ITGAV: variants seen among roughly 807,000 people sequenced by gnomAD.
The protein encoded by ITGAV is integrin subunit alpha V, also known as integrin alpha-V.
In ITGAV, 76 loss-of-function variants were observed where a neutral mutation model predicts 143.8. The observed-to-expected ratio is 0.53, with a 90% CI of 0.44 to 0.64. The LOEUF is 0.64. ITGAV is among the 30% of genes least tolerant of loss of function. The pLI is 0.00. For synonymous variants in ITGAV, 453 were observed against 446.7 expected (o/e 1.01, Z -0.18); for missense variants, 1,193 against 1,274.7 (o/e 0.94, Z 0.98).
chr2:186,676,218 G>T, intron 28 of ITGAV: 1 of 248,456 alleles, frequency 4.0e-6, no homozygotes, highest in Non-Finnish European at 7.6e-6. Context: ...TTAGAAAGTT[G>T]GAAATTAACT....
At position 186,645,608 on chromosome 2, in the gene ITGAV, T is replaced by C. The variant is rs114788680; in HGVS notation, c.1160-1078T>C. 1.7e-3 allele frequency among the ~76,000 whole-genome samples: 254 copies of C among 152,156 alleles called. 1 individual carries two copies. Among genetic ancestry groups the C allele is most frequent in the African/African-American group, 5.9e-3 (243 of 41,516 alleles). On this transcript the variant is annotated intron_variant, in intron 12 of 29. Transcript: ENST00000261023. ...TAAGATGGGGATGGGTGTGACATGA[T>C]ATGGTGAATGTTTGGCCCTTTTGAA...
At chr2:186,600,426 A>G (rs1264375363) in intron 1 of ITGAV, 2 of 1,538,606 alleles carry the variant, frequency 1.3e-6, no homozygotes, top group Admixed American at 2.0e-5. Flanking sequence ...TATCTAAAAG[A>G]GAACTTTCTT....
intron 1 of ITGAV, 34 bp from the exon 2 acceptor site, chr2:186,601,987 A>G: frequency 1.3e-6 from 2 of 1,595,890 alleles, no homozygotes. Flanking sequence ...ACTTTGTTTC[A>G]TTTAAACTTT....
chr2:186,617,332 G>T (rs1687392005), intron 2 of ITGAV, among the ~76,000 whole-genome samples: 1 of 152,214 alleles, frequency 6.6e-6, no homozygotes, highest in African/African-American at 2.4e-5. Flanking sequence ...TAATTGTCCA[G>T]CAAGTTGAGT....
rs1688535287 is a variant in ITGAV at position 186,654,698 on chromosome 2, C to T, written c.1554C>T (p.Pro518=). The T allele has an allele frequency of 6.6e-7, 1 of 1,516,456 alleles. No homozygotes were observed. The allele number at this position is 1,516,456 out of a possible 1,614,324, so 93.9% of individuals were successfully genotyped here. The change falls in exon 16 of 30, where the codon CCC becomes CCT. Residue 518 remains proline (P), a synonymous_variant. Transcript: ENST00000261023. ...CLKADGKGVL[P]RKLNFQVELL... ...AGGCAGATGGCAAAGGAGTACTTCC[C>T]AGGAAACTTAGTAAGTGTTCTATGA...
intron 4 of ITGAV, among the ~76,000 whole-genome samples, chr2:186,626,931 C>T (rs1413666495): frequency 1.3e-5 from 2 of 152,056 alleles, no homozygotes; most frequent in Admixed American, 1.3e-4. Flanking sequence ...TTTTTAATTT[C>T]TATATTGCAA....
At chr2:186,626,373 A>G (rs141175525) in intron 4 of ITGAV, among the ~76,000 whole-genome samples, 424 of 152,310 alleles carry the variant, frequency 2.8e-3, no homozygotes, top group African/African-American at 9.7e-3. Context: ...TGAATTGGCT[A>G]CTGCTTTAGA....
Position 186,602,012 on chromosome 2 carries a change from G to A in ITGAV, c.186-9G>A, listed in dbSNP as rs746066906. The A allele has an allele frequency of 1.9e-6, 3 of 1,602,640 alleles. No homozygotes were observed. The highest frequency in any genetic ancestry group is 2.6e-6 in the Non-Finnish European group (3 of 1,175,864). ...ATTTAAACTTTGGTCTGCCGCTTTT[G>A]TATTTTAGCCGGATGTTTCTTCTCG... On this transcript the variant is annotated splice_polypyrimidine_tract_variant and intron_variant, in intron 1 of 29. Transcript: ENST00000261023.
chr2:186,610,883 G>C (rs1013637384), intron 2 of ITGAV, among the ~76,000 whole-genome samples: 1 of 152,126 alleles, frequency 6.6e-6, no homozygotes, highest in Non-Finnish European at 1.5e-5. Flanking sequence ...AGCAAACCTA[G>C]ACTGCTCATG....
chr2:186,605,617 G>C (rs3911238), intron 2 of ITGAV, among the ~76,000 whole-genome samples: 35,283 of 151,682 alleles, frequency 0.23, 5,613 homozygotes, highest in East Asian at 0.73. Context: ...TGAGACTCCA[G>C]GGCCTAAACA....
Position 186,677,415 on chromosome 2 carries a change from T to A in ITGAV, c.*123T>A, listed in dbSNP as rs1181862520. 3.0e-6 allele frequency: 2 copies of A among 675,478 alleles called. No individual in the cohort carries two copies. Among genetic ancestry groups the A allele is most frequent in the Non-Finnish European group, 5.2e-6 (2 of 385,296 alleles). 41.8% of individuals were successfully genotyped at this position (675,478 alleles called of 1,614,324 possible). ...TACTGCTGATAGTGCTAATTGGCAT[T>A]AACCACAAAATGAGAATTATATTTG... On this transcript the variant is annotated 3_prime_UTR_variant, in exon 30 of 30. Transcript: ENST00000261023.
rs879628089 is a variant in ITGAV, at chr2:186,652,159, T to G, written c.1505+70T>G. ...CAGGCATTGTAAGAACAATTGAAAATGAAGGTGGTAGGGCTGAAATATTGC... is the reference window on the plus strand; with the variant it reads ...CAGGCATTGTAAGAACAATTGAAAAGGAAGGTGGTAGGGCTGAAATATTGC... On this transcript the variant is annotated intron_variant, in intron 15 of 29. Coordinates refer to ENST00000261023, the MANE Select transcript of ITGAV (RefSeq NM_002210.5). 4.1e-6 allele frequency: 4 copies of G among 963,930 alleles called. No homozygotes were observed. The Admixed American group carries it at 8.0e-5, about 19-fold the overall frequency. 59.7% of individuals were successfully genotyped at this position (963,930 alleles called of 1,614,324 possible). A position where few individuals can be genotyped will look rare whatever the true frequency, so the allele number is the denominator to read the frequency against.
Position 186,624,952 on chromosome 2 carries a change from G to GAA in ITGAV, c.409-512_409-511dup, listed in dbSNP as rs11395048. ...AAATAACAATTTTGCTAACTATTTTGAAAAAAAAAATTGGACTACAAATAT... is the reference window on the plus strand; with the variant it reads ...AAATAACAATTTTGCTAACTATTTTGAAAAAAAAAAAATTGGACTACAAATAT... On this transcript the variant is annotated intron_variant, in intron 3 of 29. Transcript: ENST00000261023. Among the ~76,000 whole-genome samples, 135 of 150,698 alleles carry GAA rather than the reference G, an allele frequency of 9.0e-4. 2 individuals are homozygous for GAA. The highest frequency in any genetic ancestry group is 3.4e-3 in the Middle Eastern group (1 of 290).
At chr2:186,608,481 A>G (rs1687127722) in intron 2 of ITGAV, among the ~76,000 whole-genome samples, 1 of 152,226 alleles carries the variant, frequency 6.6e-6, no homozygotes, top group Non-Finnish European at 1.5e-5. Context: ...TGGAGATACT[A>G]CAAATGCTTG....
intron 4 of ITGAV, among the ~76,000 whole-genome samples, chr2:186,629,315 G>T (rs1479286035): frequency 6.6e-6 from 1 of 151,800 alleles, no homozygotes; most frequent in African/African-American, 2.4e-5. Context: ...GGATACTCTG[G>T]GAAACCAAAT....
chr2:186,668,340 C>T (rs1403545585), intron 24 of ITGAV, among the ~76,000 whole-genome samples: 3 of 147,002 alleles, frequency 2.0e-5, no homozygotes, highest in Non-Finnish European at 4.5e-5. Context: ...ATTCTCCTGC[C>T]TCAGCTTGCT....
intron 12 of ITGAV, among the ~76,000 whole-genome samples, chr2:186,643,214 T>C (rs1688157583): frequency 6.6e-6 from 1 of 152,218 alleles, no homozygotes; most frequent in African/African-American, 2.4e-5. Context: ...CAACATCTCT[T>C]CCAGCTTTCT....
intron 4 of ITGAV, among the ~76,000 whole-genome samples, chr2:186,628,195 G>A (rs116306257): frequency 6.6e-6 from 1 of 152,220 alleles, no homozygotes; most frequent in African/African-American, 2.4e-5. Context: ...AATAAATTAT[G>A]CAAACGAATA....
At chr2:186,676,700 C>A in intron 28 of ITGAV, 113 bp from the exon 29 acceptor site, 1 of 1,141,364 alleles carries the variant, frequency 8.8e-7, no homozygotes, top group Non-Finnish European at 1.2e-6. Context: ...TTATCATATG[C>A]AGGAAAAGAA....
Sources: gnomAD v4.1 joint callset for allele counts (sites outside exome capture counted in the v4.1 genomes callset) on GRCh38, gnomAD v4.1.1 for gene constraint, MANE v1.5 for transcripts, NCBI Gene and HGNC (gene_info 2026-07-23, HGNC 2026-07-21) for gene names.